Variants in KIAA1549L observed in about 807,000 individuals in gnomAD.
KIAA1549L encodes the protein KIAA1549 like.
KIAA1549L carries 88 observed loss-of-function variants against 160.7 expected under a neutral mutation model. That is an observed-to-expected ratio of 0.55 (90% confidence interval 0.46 to 0.65). The LOEUF is 0.65. Among genes scored for constraint, KIAA1549L ranks in the 30% least tolerant of loss-of-function variants. The pLI is 0.00. For missense variants in KIAA1549L, 2,258 were observed against 2,437.5 expected, an observed-to-expected ratio of 0.93 and a Z score of 1.55; for synonymous variants, 950 against 976.7, an observed-to-expected ratio of 0.97 and a Z score of 0.51.
intron 1 of KIAA1549L, among the ~76,000 whole-genome samples, chr11:33,418,568 G>A (rs1012989291): frequency 2.6e-5 from 4 of 152,190 alleles, no homozygotes; most frequent in Admixed American, 2.6e-4. Flanking sequence ...TAACAACCTC[G>A]CCTCGTAACA....
chr11:33,470,723 G>A (rs1852161383), intron 1 of KIAA1549L, among the ~76,000 whole-genome samples: 2 of 152,166 alleles, frequency 1.3e-5, no homozygotes, highest in South Asian at 4.1e-4. Flanking sequence ...AAAATACTGG[G>A]ATTATAGGAA....
At chr11:33,533,621 C>T (rs1853827157) in intron 1 of KIAA1549L, among the ~76,000 whole-genome samples, 2 of 152,176 alleles carry the variant, frequency 1.3e-5, no homozygotes, top group African/African-American at 4.8e-5. Context: ...GGTGACTTGT[C>T]ACTTTCCTGA....
At chr11:33,484,565 C>T (rs948072516) in intron 1 of KIAA1549L, among the ~76,000 whole-genome samples, 2 of 152,210 alleles carry the variant, frequency 1.3e-5, no homozygotes, top group African/African-American at 4.8e-5. Context: ...GGAATTGTGA[C>T]CACTCACCTC....
intron 2 of KIAA1549L, 163 bp downstream of exon 2, chr11:33,544,499 C>G (rs755890905): frequency 9.9e-6 from 8 of 810,200 alleles, no homozygotes; most frequent in Non-Finnish European, 1.5e-5. Flanking sequence ...GTAGTCACCT[C>G]ATTGATCCTG....
In KIAA1549L at chr11:33,576,678, C is replaced by T. The variant is rs147024806; in HGVS notation, c.4402+1805C>T. On this transcript the variant is annotated intron_variant, in intron 10 of 20. Transcript: ENST00000658780. ...ATATTTCAGGGCACAGAGTCAACGG[C>T]GCAAGATAATGATTCTGTGTGTAGC... 3.6e-3 allele frequency among the ~76,000 whole-genome samples: 543 copies of T among 152,234 alleles called. 2 individuals are homozygous for T. The highest frequency in any genetic ancestry group is 5.2e-3 in the Non-Finnish European group (352 of 68,020).
At chr11:33,425,565 G>T (rs761394058) in intron 1 of KIAA1549L, among the ~76,000 whole-genome samples, 2 of 152,198 alleles carry the variant, frequency 1.3e-5, no homozygotes, top group Non-Finnish European at 2.9e-5. Context: ...ATTCATGGGA[G>T]ACATCCAAAT....
rs753975608 is a variant in KIAA1549L at position 33,542,687 on chromosome 11, C to A, written c.1124C>A (p.Ser375Ter). ...CTTCCAGATGGAAGCCCCTCATGGTCAATGTTGGAAGTGGCTTCAGGTCCT... is the reference window on the plus strand; with the variant it reads ...CTTCCAGATGGAAGCCCCTCATGGTAAATGTTGGAAGTGGCTTCAGGTCCT... ...LQLPDGSPSW[S>*]MLEVASGPAS... The change falls in exon 2 of 21, where the codon TCA becomes TAA. Residue 375 changes from serine (S) to a stop codon, truncating the protein, a stop_gained. Coordinates refer to ENST00000658780, the MANE Select transcript of KIAA1549L (RefSeq NM_012194.3). LOFTEE classifies it high-confidence loss of function. The A allele has an allele frequency of 6.2e-7, 1 of 1,613,840 alleles. No individual in the cohort carries two copies. Among genetic ancestry groups the A allele is most frequent in the South Asian group, 1.1e-5 (1 of 91,036 alleles).
intron 6 of KIAA1549L, among the ~76,000 whole-genome samples, chr11:33,552,611 G>A (rs1221196510): frequency 1.3e-5 from 2 of 149,094 alleles, no homozygotes; most frequent in Non-Finnish European, 3.0e-5. Flanking sequence ...GTGATTTTAT[G>A]CATTGGCTTA....
At chr11:33,388,898 C>T (rs1298782224) in intron 1 of KIAA1549L, among the ~76,000 whole-genome samples, 1 of 152,166 alleles carries the variant, frequency 6.6e-6, no homozygotes, top group East Asian at 1.9e-4. Flanking sequence ...CATGTTATAA[C>T]CAATCCTAGA....
intron 8 of KIAA1549L, among the ~76,000 whole-genome samples, chr11:33,565,698 G>A (rs920449501): frequency 4.1e-5 from 6 of 148,142 alleles, no homozygotes; most frequent in Non-Finnish European, 8.9e-5. Context: ...TGGCACTTCC[G>A]TGGAGGCTTT....
Position 33,550,134 on chromosome 11 carries a change from T to C in KIAA1549L, c.3502-906T>C, listed in dbSNP as rs936084571. ...GGATAGTAGTAATAGCTGTACACCATTATGAATGTGTTTAATAGCACTGAA... is the reference window on the plus strand; with the variant it reads ...GGATAGTAGTAATAGCTGTACACCACTATGAATGTGTTTAATAGCACTGAA... On this transcript the variant is annotated intron_variant, in intron 4 of 20. Coordinates refer to ENST00000658780, the MANE Select transcript of KIAA1549L (RefSeq NM_012194.3). Among the ~76,000 whole-genome samples, 4 of 150,708 alleles carry C rather than the reference T, an allele frequency of 2.7e-5. 1 individual carries two copies. The highest frequency in any genetic ancestry group is 9.8e-5 in the African/African-American group (4 of 41,008).
intron 16 of KIAA1549L, among the ~76,000 whole-genome samples, chr11:33,645,396 A>T (rs1399990800): frequency 1.3e-5 from 2 of 152,168 alleles, no homozygotes. Context: ...CGTTAATGTC[A>T]TCGGTGAAAG....
chr11:33,568,310 T>C, intron 9 of KIAA1549L, 83 bp downstream of exon 9: 4 of 1,381,374 alleles, frequency 2.9e-6, no homozygotes, highest in Non-Finnish European at 3.9e-6. Flanking sequence ...AATAAGTCAG[T>C]GTGCTCAGAG....
In KIAA1549L at chr11:33,563,071, G is replaced by A. The variant is rs935376840; in HGVS notation, c.4078+1336G>A. On this transcript the variant is annotated intron_variant, in intron 8 of 20. Transcript: ENST00000658780. Reference sequence around the variant, plus strand: ...AGGGCTTCAAAATAGGAATCTGGGGGGACAGGCCGGGTGTGATGGCTCACC... The same window carrying A: ...AGGGCTTCAAAATAGGAATCTGGGGAGACAGGCCGGGTGTGATGGCTCACC... Among the ~76,000 whole-genome samples the A allele has an allele frequency of 3.3e-5, 5 of 151,854 alleles. No individual in the cohort carries two copies. The East Asian group carries it at 7.8e-4, about 24-fold the overall frequency.
intron 1 of KIAA1549L, among the ~76,000 whole-genome samples, chr11:33,500,700 T>C (rs1246420254): frequency 6.6e-6 from 1 of 152,128 alleles, no homozygotes; most frequent in East Asian, 1.9e-4. Flanking sequence ...TGTTTAAAAT[T>C]ATGGATATTC....
At chr11:33,505,606 G>A (rs1202803363) in intron 1 of KIAA1549L, among the ~76,000 whole-genome samples, 1 of 152,196 alleles carries the variant, frequency 6.6e-6, no homozygotes, top group Non-Finnish European at 1.5e-5. Flanking sequence ...GTCAAAGTGA[G>A]TCTTCACTTA....
At chr11:33,504,959 G>A (rs1304921471) in intron 1 of KIAA1549L, among the ~76,000 whole-genome samples, 1 of 152,068 alleles carries the variant, frequency 6.6e-6, no homozygotes, top group Non-Finnish European at 1.5e-5. Flanking sequence ...TAGAGACAGG[G>A]TTTTGCCATG....
chr11:33,428,464 C>T (rs66613604), intron 1 of KIAA1549L, among the ~76,000 whole-genome samples: 17,042 of 151,326 alleles, frequency 0.11, 1,221 homozygotes, highest in African/African-American at 0.2. Context: ...CCCCCGCCCA[C>T]GACAGGACCT....
chr11:33,408,060 A>G (rs1374932312), intron 1 of KIAA1549L, among the ~76,000 whole-genome samples: 1 of 152,206 alleles, frequency 6.6e-6, no homozygotes, highest in Non-Finnish European at 1.5e-5. Context: ...TGTTAAGATA[A>G]TAAAAATTTT....
Sources: allele counts gnomAD v4.1 joint callset (sites outside exome capture counted in the v4.1 genomes callset), GRCh38; gene constraint gnomAD v4.1.1; transcripts MANE v1.5; gene names NCBI Gene and HGNC (gene_info 2026-07-23, HGNC 2026-07-21).